Variants in ZFC3H1 observed in about 807,000 individuals in gnomAD.
The protein encoded by ZFC3H1 is zinc finger C3H1 domain-containing protein.
Under a neutral mutation model 243.7 loss-of-function variants are expected in ZFC3H1, and 71 were observed. The observed-to-expected ratio is 0.29, with a 90% confidence interval of 0.24 to 0.36. The LOEUF (loss-of-function observed/expected upper bound fraction) is 0.36. Ranked by LOEUF, ZFC3H1 falls within the 10% of genes least tolerant of loss-of-function variation. The pLI, the probability that ZFC3H1 is intolerant of heterozygous loss-of-function variation, is 1.00. For synonymous variants in ZFC3H1, 838 were observed against 813.0 expected (o/e 1.03, Z -0.52); for missense variants, 1,966 against 2,317.1 (o/e 0.85, Z 3.11).
In ZFC3H1 at chr12:71,663,769, A is replaced by T; in HGVS notation, c.-159T>A. The T allele has an allele frequency of 1.3e-6, 1 of 786,784 alleles. No homozygotes were observed. The highest frequency in any genetic ancestry group is 2.0e-6 in the Non-Finnish European group (1 of 501,786). 48.7% of individuals were successfully genotyped at this position (786,784 alleles called of 1,614,324 possible). A position where few individuals can be genotyped will look rare whatever the true frequency, so the allele number is the denominator to read the frequency against. On this transcript the variant is annotated 5_prime_UTR_variant, in exon 1 of 35. Transcript: ENST00000378743. Reference sequence around the variant, plus strand: ...CTCCCCAACTTCCCCGCACCCCAGCACCCCAGCTCTCTCTCGCCGGACCGT... The same window carrying T: ...CTCCCCAACTTCCCCGCACCCCAGCTCCCCAGCTCTCTCTCGCCGGACCGT...
intron 18 of ZFC3H1, 95 bp from the exon 19 acceptor site, chr12:71,629,805 G>A (rs1048673922): frequency 1.4e-5 from 11 of 765,772 alleles, no homozygotes; most frequent in Admixed American, 1.3e-4. Context: ...AGAATTAAAG[G>A]CGATTATATG....
At chr12:71,642,715 A>C (rs78693861) in intron 5 of ZFC3H1, among the ~76,000 whole-genome samples, 156 bp from the exon 6 acceptor site, 70 of 152,312 alleles carry the variant, frequency 4.6e-4, no homozygotes, top group African/African-American at 1.7e-3. Context: ...AATTCAAATG[A>C]TAGGTACACT....
chr12:71,610,707 T>C lies in ZFC3H1; in HGVS notation c.5820A>G (p.Ser1940=), dbSNP rs761133469. Residue 1940 remains serine, a synonymous_variant, in exon 34 of 35, where the codon TCA becomes TCG. Transcript: ENST00000378743. ...RALQKLPLCA[S]LWKDQLLFEA... is the part of the protein sequence containing the mutation. ...TAAAAAGCATTACATCTTTCCACAGTGATGCACAAAGAGGTAACTTCTGTA... is the reference window on the plus strand; with the variant it reads ...TAAAAAGCATTACATCTTTCCACAGCGATGCACAAAGAGGTAACTTCTGTA... 7 of 1,613,276 alleles carry C rather than the reference T, an allele frequency of 4.3e-6. No homozygotes were observed. The East Asian group carries it at 1.6e-4, about 36-fold the overall frequency.
rs1879819920 is a variant in ZFC3H1, at chr12:71,613,395, T to A, written c.5567A>T (p.His1856Leu). ...FYLSCVPKTQHSKTLERFCSV... is the reference protein window; with the variant it reads ...FYLSCVPKTQLSKTLERFCSV... ...ACAAAACCGTTCCAAGGTTTTGGAA[T>A]GCTGGGTCTTTGGAACACAGCTCAA... is the stretch of plus-strand genomic sequence containing the variant. Residue 1856 changes from histidine (H) to leucine (L), a missense_variant, in exon 31 of 35, where the codon CAT (histidine) becomes CTT (leucine). His to Leu is a moderately conservative substitution (Grantham distance 99). This residue lies in a region of ZFC3H1 where 1,383 missense variants were observed against 1,723.7 expected (regional missense o/e 0.80). Coordinates refer to ENST00000378743, the MANE Select transcript of ZFC3H1 (RefSeq NM_144982.5). 2 of 1,610,344 alleles carry A rather than the reference T, an allele frequency of 1.2e-6. No individual in the cohort carries two copies. Among genetic ancestry groups the A allele is most frequent in the Non-Finnish European group, 1.7e-6 (2 of 1,177,674 alleles).
intron 6 of ZFC3H1, 125 bp downstream of exon 6, chr12:71,642,310 TC>T: frequency 1.9e-6 from 2 of 1,045,034 alleles, no homozygotes; most frequent in Non-Finnish European, 2.7e-6. Context: ...ATAATGTCTA[TC>T]GCCATACAGT....
intron 20 of ZFC3H1, among the ~76,000 whole-genome samples, chr12:71,628,354 T>TAG (rs1310936585): frequency 6.6e-6 from 1 of 152,262 alleles, no homozygotes; most frequent in African/African-American, 2.4e-5. Flanking sequence ...AAAACAGTGT[T>TAG]ACGTTAGTGT....
intron 27 of ZFC3H1, among the ~76,000 whole-genome samples, chr12:71,618,490 T>G (rs188707979): frequency 1.4e-4 from 21 of 152,284 alleles, no homozygotes; most frequent in Admixed American, 1.1e-3. Context: ...TTGATGCTGT[T>G]TTACTTATGA....
intron 32 of ZFC3H1, 46 bp downstream of exon 32, chr12:71,611,740 A>T (rs779711568): frequency 2.2e-5 from 28 of 1,281,798 alleles, no homozygotes; most frequent in Non-Finnish European, 3.1e-5. Flanking sequence ...AAACCTTATA[A>T]ATAAAAGCAA....
chr12:71,610,640 A>C (rs1369394353), intron 34 of ZFC3H1, 55 bp downstream of exon 34: 3 of 1,612,166 alleles, frequency 1.9e-6, no homozygotes, highest in Admixed American at 3.3e-5. Context: ...GATATGGCAC[A>C]TGCAGAAAAT....
In ZFC3H1 at chr12:71,632,004, T is replaced by C. The variant is rs904086209; in HGVS notation, c.3328A>G (p.Thr1110Ala). Reference sequence around the variant, plus strand: ...TGCAAAACCTTCTCTGTAATGCCTGTGGTGGTTTTTAAAATCAGCTGTTTT... The same window carrying C: ...TGCAAAACCTTCTCTGTAATGCCTGCGGTGGTTTTTAAAATCAGCTGTTTT... ...SLKQLILKTT[T>A]GITEKVLHGQ... is the part of the protein sequence containing the mutation. Residue 1110 changes from threonine (T) to alanine (A), a missense_variant, in exon 15 of 35, where the codon ACA becomes GCA. By Grantham distance (58) the Thr-to-Ala change is moderately conservative. Around this residue, in one of 4 missense-constraint regions of ZFC3H1, gnomAD observed 1,383 missense variants for 1,723.7 expected, o/e 0.80. Transcript: ENST00000378743. 3 of 1,600,794 alleles carry C rather than the reference T, an allele frequency of 1.9e-6. No homozygotes were observed. Among genetic ancestry groups the C allele is most frequent in the East Asian group, 2.2e-5 (1 of 44,808 alleles).
At chr12:71,611,290 T>C (rs1879762088) in intron 32 of ZFC3H1, 193 bp from the exon 33 acceptor site, 3 of 439,964 alleles carry the variant, frequency 6.8e-6, no homozygotes, top group East Asian at 7.6e-5. Context: ...ACAATTTTTA[T>C]CAACTTTACA....
In ZFC3H1 at chr12:71,663,320, G is replaced by A; in HGVS notation, c.291C>T (p.His97=). 2 of 1,613,352 alleles carry A rather than the reference G, an allele frequency of 1.2e-6. No homozygotes were observed. The highest frequency in any genetic ancestry group is 1.7e-6 in the Non-Finnish European group (2 of 1,180,032). The change falls in exon 1 of 35, where the codon CAC becomes CAT. Residue 97 remains histidine (H), a synonymous_variant. Transcript: ENST00000378743. ...GTCGGTAGCTGCTGGGTCCCCTGAGGTGGCCCCGCTCAGACGCGTGCCGCG... is the reference window on the plus strand; with the variant it reads ...GTCGGTAGCTGCTGGGTCCCCTGAGATGGCCCCGCTCAGACGCGTGCCGCG... The part of the protein sequence containing the change: ...SRSRHASERG[H]LRGPSSYRPK...
chr12:71,643,912 T>G (rs193219776), intron 5 of ZFC3H1, among the ~76,000 whole-genome samples, 183 bp downstream of exon 5: 3 of 152,342 alleles, frequency 2.0e-5, no homozygotes, highest in Admixed American at 1.3e-4. Flanking sequence ...TAATAATAAT[T>G]TTAGCCTTCA....
chr12:71,658,228 A>G (rs1459188009), intron 1 of ZFC3H1, among the ~76,000 whole-genome samples: 1 of 151,486 alleles, frequency 6.6e-6, no homozygotes, highest in African/African-American at 2.4e-5. Context: ...TCCAGGCCAG[A>G]TATTAGCAAG....
intron 2 of ZFC3H1, among the ~76,000 whole-genome samples, chr12:71,649,396 A>T (rs1880822559): frequency 6.6e-6 from 1 of 152,218 alleles, no homozygotes; most frequent in Non-Finnish European, 1.5e-5. Context: ...TTCCACTTCC[A>T]CAGGTGTACT....
intron 2 of ZFC3H1, among the ~76,000 whole-genome samples, chr12:71,655,325 A>C (rs1047970050): frequency 2.0e-5 from 3 of 152,178 alleles, no homozygotes. Flanking sequence ...GAAAAATAAA[A>C]ATTAGAAAAT....
chr12:71,636,966 C>G lies in ZFC3H1; in HGVS notation c.1819G>C (p.Glu607Gln), dbSNP rs191798821. 7 of 1,613,888 alleles carry G rather than the reference C, an allele frequency of 4.3e-6. No individual in the cohort carries two copies. The highest frequency in any genetic ancestry group is 5.9e-6 in the Non-Finnish European group (7 of 1,179,956). Residue 607 changes from glutamate (E) to glutamine (Q), a missense_variant, in exon 8 of 35, where the codon GAA becomes CAA. Transcript: ENST00000378743. ...PLPPLPPLPP[E>Q]DPEQPPKPPF... is the part of the protein sequence containing the mutation. ...GGTTTTGGAGGCTGTTCTGGATCTT[C>G]AGGTGGGAGAGGTGGTAATGGTGGT...
chr12:71,623,332 T>C, intron 24 of ZFC3H1, 28 bp downstream of exon 24: 1 of 1,532,374 alleles, frequency 6.5e-7, no homozygotes, highest in Non-Finnish European at 8.9e-7. Context: ...TAACAGTTGA[T>C]ATTACAATTT....
intron 5 of ZFC3H1, among the ~76,000 whole-genome samples, chr12:71,643,412 C>CAA (rs879491340): frequency 7.3e-6 from 1 of 136,316 alleles, no homozygotes; most frequent in Non-Finnish European, 1.6e-5. Flanking sequence ...GACTCCATCT[C>CAA]AAAAAAAAAA....
Sources: allele counts gnomAD v4.1 joint callset (sites outside exome capture counted in the v4.1 genomes callset), GRCh38; gene constraint gnomAD v4.1.1; regional missense constraint gnomAD v4.1.1; transcripts MANE v1.5; gene names NCBI Gene and HGNC (gene_info 2026-07-23, HGNC 2026-07-21).